Variants in CNNM1 observed in about 807,000 individuals in gnomAD.
CNNM1 encodes cyclin and CBS domain divalent metal cation transport mediator 1.
CNNM1 carries 44 observed loss-of-function variants against 78.8 expected under a neutral mutation model. That is an observed-to-expected ratio of 0.56 (90% confidence interval 0.44 to 0.72). The LOEUF is 0.72. CNNM1 is among the 30% of genes least tolerant of loss of function. The probability of loss-of-function intolerance (pLI) is 0.00; values close to 1 mark genes in which losing one functional copy is unlikely to be tolerated. For missense variants in CNNM1, 1,101 were observed against 1,292.2 expected (o/e 0.85, Z 2.27); for synonymous variants, 584 against 581.5 (o/e 1.00, Z -0.06).
Position 99,342,640 on chromosome 10 carries a change from G to A in CNNM1, c.1573+11680G>A, listed in dbSNP as rs117057178. On this transcript the variant is annotated intron_variant, in intron 1 of 10. Transcript: ENST00000356713. ...TTTTTGTGTTTCTCTTCCTGATTTG[G>A]TAGGGAATGATTTCACTTGATTGTA... Among the ~76,000 whole-genome samples the A allele has an allele frequency of 1.2e-3, 185 of 152,058 alleles. 5 individuals are homozygous for A. The East Asian group carries it at 0.034, about 28-fold the overall frequency.
At chr10:99,337,948 T>C (rs2030262612) in intron 1 of CNNM1, among the ~76,000 whole-genome samples, 1 of 152,370 alleles carries the variant, frequency 6.6e-6, no homozygotes, top group Non-Finnish European at 1.5e-5. Flanking sequence ...ATCTATTGTT[T>C]CTCAGCTTCT....
rs372045385 is a variant in CNNM1 at position 99,373,294 on chromosome 10, G to C, written c.2177-3761G>C. 1.6e-4 allele frequency among the ~76,000 whole-genome samples: 24 copies of C among 152,182 alleles called. No individual in the cohort carries two copies. The East Asian group carries it at 2.9e-3, about 18-fold the overall frequency. ...AGTGGAGGATTATTGAGGAATGGTG[G>C]TGATTCTCTGGGCAGCTGAAGCCAC... On this transcript the variant is annotated intron_variant, in intron 6 of 10. Transcript: ENST00000356713.
At chr10:99,365,551 G>C (rs549284103) in intron 6 of CNNM1, among the ~76,000 whole-genome samples, 2 of 152,186 alleles carry the variant, frequency 1.3e-5, no homozygotes, top group Non-Finnish European at 2.9e-5. Flanking sequence ...TGCTGTTGGT[G>C]GGGGGCAGGC....
At chr10:99,347,599 A>ACACACACACACACACACACACACACAC in intron 1 of CNNM1, among the ~76,000 whole-genome samples, 5 of 151,624 alleles carry the variant, frequency 3.3e-5, no homozygotes, top group South Asian at 2.1e-4. Context: ...ACACACACAC[A>ACACACACACACACACACACACACACAC]AATGTTGCAA....
At chr10:99,390,524 G>T in intron 10 of CNNM1, 117 bp downstream of exon 10, 1 of 732,166 alleles carries the variant, frequency 1.4e-6, no homozygotes, top group Non-Finnish European at 2.4e-6. Context: ...AAACCCTAAT[G>T]AGGTACAATT....
At chr10:99,337,806 G>A (rs1202593754) in intron 1 of CNNM1, among the ~76,000 whole-genome samples, 1 of 152,162 alleles carries the variant, frequency 6.6e-6, no homozygotes, top group African/African-American at 2.4e-5. Flanking sequence ...CTGAATGGAT[G>A]ACTTAAGGAG....
chr10:99,346,861 C>T (rs1589891186), intron 1 of CNNM1, among the ~76,000 whole-genome samples: 1 of 152,200 alleles, frequency 6.6e-6, no homozygotes, highest in African/African-American at 2.4e-5. Flanking sequence ...CCTCCTGCCT[C>T]AGCCTCCCAA....
At chr10:99,363,800 A>G (rs1237661383) in intron 4 of CNNM1, among the ~76,000 whole-genome samples, 1 of 135,698 alleles carries the variant, frequency 7.4e-6, no homozygotes, top group Admixed American at 8.5e-5. Flanking sequence ...GCTGGAGTGC[A>G]GTGGCCCGAT....
intron 7 of CNNM1, among the ~76,000 whole-genome samples, chr10:99,383,699 G>A (rs181378977): frequency 2.2e-4 from 34 of 152,296 alleles, no homozygotes; most frequent in Middle Eastern, 3.4e-3. Flanking sequence ...TGGCGCATTC[G>A]AGGGACTGGG....
intron 9 of CNNM1, among the ~76,000 whole-genome samples, chr10:99,389,013 A>G (rs1371992633): frequency 6.6e-6 from 1 of 152,098 alleles, no homozygotes; most frequent in Non-Finnish European, 1.5e-5. Flanking sequence ...GTAGCCCCCT[A>G]TGCCTGCACC....
At chr10:99,331,736 A>G (rs1240359831) in intron 1 of CNNM1, among the ~76,000 whole-genome samples, 1 of 151,874 alleles carries the variant, frequency 6.6e-6, no homozygotes, top group Non-Finnish European at 1.5e-5. Flanking sequence ...GGGGGGAGGG[A>G]AGTACTCAGG....
intron 1 of CNNM1, among the ~76,000 whole-genome samples, chr10:99,349,723 G>T (rs1039949572): frequency 1.3e-5 from 2 of 152,120 alleles, no homozygotes; most frequent in African/African-American, 4.8e-5. Flanking sequence ...TATCTGGGCC[G>T]GGCGCAGTGG....
chr10:99,356,512 A>G lies in CNNM1; in HGVS notation c.1574-1000A>G, dbSNP rs4917857. Among the ~76,000 whole-genome samples, 123 of 121,974 alleles carry G rather than the reference A, an allele frequency of 1.0e-3. 1 individual carries two copies. The highest frequency in any genetic ancestry group is 5.8e-3 in the East Asian group (23 of 3,996). The allele number at this position is 121,974 out of a possible 152,430, so 80.0% of individuals were successfully genotyped here. On this transcript the variant is annotated intron_variant, in intron 1 of 10. Transcript: ENST00000356713. ...AGAGAGAGAGAGAGAGAGAGAGAGA[A>G]AGAGAAAGAGAGAAAGAAAGAAAGA...
chr10:99,370,242 C>T (rs1040945447), intron 6 of CNNM1, among the ~76,000 whole-genome samples: 1 of 152,138 alleles, frequency 6.6e-6, no homozygotes, highest in African/African-American at 2.4e-5. Flanking sequence ...TTCAACTTTC[C>T]CCCCTTTTCC....
In CNNM1 at chr10:99,329,615, C is replaced by T. The variant is rs1850549983; in HGVS notation, c.228C>T (p.Phe76=). The change falls in exon 1 of 11, where the codon TTC becomes TTT. Residue 76 remains phenylalanine, a synonymous_variant. Transcript: ENST00000356713. ...CCAGCTTCCTCCTGCGTGTCTATTT[C>T]CAGCCAGGACCGCCGGCCACCGCCG... ...EGTSFLLRVY[F]QPGPPATAAP... 1.3e-6 allele frequency: 2 copies of T among 1,507,382 alleles called. No homozygotes were observed. The highest frequency in any genetic ancestry group is 1.8e-6 in the Non-Finnish European group (2 of 1,136,660). The allele number at this position is 1,507,382 out of a possible 1,614,324, so 93.4% of individuals were successfully genotyped here.
At chr10:99,338,986 G>A (rs1360420523) in intron 1 of CNNM1, among the ~76,000 whole-genome samples, 2 of 152,198 alleles carry the variant, frequency 1.3e-5, no homozygotes, top group Non-Finnish European at 2.9e-5. Context: ...TTATTGGATT[G>A]CTTTTAGGAG....
chr10:99,390,843 A>C (rs1321657396), intron 10 of CNNM1, among the ~76,000 whole-genome samples: 1 of 152,232 alleles, frequency 6.6e-6, no homozygotes, highest in Non-Finnish European at 1.5e-5. Flanking sequence ...GAAAGAGAGC[A>C]ATCTCCTCCA....
chr10:99,338,531 G>T (rs371830992), intron 1 of CNNM1, among the ~76,000 whole-genome samples: 1 of 151,904 alleles, frequency 6.6e-6, no homozygotes, highest in Non-Finnish European at 1.5e-5. Context: ...CGCCAACCTC[G>T]GCCTCCCAAA....
intron 1 of CNNM1, among the ~76,000 whole-genome samples, chr10:99,349,507 GTAAGAATCACCTGGAGA>G (rs2030849965): frequency 6.6e-6 from 1 of 151,974 alleles, no homozygotes; most frequent in Non-Finnish European, 1.5e-5. Context: ...CCAAGTGTGC[GTAAGAATCACCTGGAGA>G]TATTGAGGAA....
Sources: gnomAD v4.1 joint callset for allele counts (sites outside exome capture counted in the v4.1 genomes callset) on GRCh38, gnomAD v4.1.1 for gene constraint, MANE v1.5 for transcripts, NCBI Gene and HGNC (gene_info 2026-07-23, HGNC 2026-07-21) for gene names.